The following ADGRV1 variants were observed in gnomAD, a reference collection of about 807,000 sequenced individuals.
ADGRV1 encodes G-protein coupled receptor 98.
A neutral mutation model predicts 596.2 loss-of-function variants in ADGRV1; 359 were observed. The ratio of observed to expected loss-of-function variants is 0.60; its 90% CI spans 0.55 to 0.66. The LOEUF is 0.66. Among genes scored for constraint, ADGRV1 ranks in the 30% least tolerant of loss-of-function variants. ADGRV1 has a pLI of 0.00. For missense variants in ADGRV1, 7,274 were observed against 7,575.6 expected, an observed-to-expected ratio of 0.96 and a Z score of 1.48; for synonymous variants, 2,681 against 2,679.2, an observed-to-expected ratio of 1.00 and a Z score of -0.02.
At chr5:90,652,641 A>G in intron 19 of ADGRV1, 78 bp downstream of exon 19, 2 of 894,778 alleles carry the variant, frequency 2.2e-6, no homozygotes, top group Non-Finnish European at 3.3e-6. Flanking sequence ...TTAGATAATT[A>G]GAGCCATATA....
chr5:90,790,089 C>G (rs1311385096), intron 69 of ADGRV1, among the ~76,000 whole-genome samples: 1 of 152,204 alleles, frequency 6.6e-6, no homozygotes, highest in African/African-American at 2.4e-5. Flanking sequence ...TTTCCTCACA[C>G]TTAATCATAA....
intron 83 of ADGRV1, among the ~76,000 whole-genome samples, chr5:90,930,315 C>T (rs762407751): frequency 7.9e-5 from 12 of 152,090 alleles, no homozygotes; most frequent in Non-Finnish European, 1.5e-4. Flanking sequence ...ATGAGTCCTT[C>T]CGGCAAACTC....
intron 86 of ADGRV1, among the ~76,000 whole-genome samples, chr5:91,094,316 G>A (rs1790659342): frequency 1.3e-5 from 2 of 152,016 alleles, no homozygotes. Flanking sequence ...AAAATTAGCT[G>A]GGCGTGGTGG....
chr5:90,965,588 G>A (rs1778382372), intron 84 of ADGRV1, 57 bp downstream of exon 84: 1 of 997,554 alleles, frequency 1.0e-6, no homozygotes. Flanking sequence ...TCTGGGTGGA[G>A]TGGTCTTAAT....
At chr5:90,713,318 A>C (rs544286651) in intron 42 of ADGRV1, among the ~76,000 whole-genome samples, 8 of 149,182 alleles carry the variant, frequency 5.4e-5, no homozygotes, top group African/African-American at 2.0e-4. Context: ...AAATACATTG[A>C]TATTTCTAAG....
chr5:90,946,352 G>A (rs933053125), intron 83 of ADGRV1, among the ~76,000 whole-genome samples: 3 of 152,158 alleles, frequency 2.0e-5, no homozygotes, highest in Non-Finnish European at 4.4e-5. Flanking sequence ...TCCATTAGTG[G>A]AGATGGACAG....
Position 90,791,155 on chromosome 5 carries a change from G to T in ADGRV1, c.14326G>T (p.Gly4776Trp). 1 of 1,613,866 alleles carries T rather than the reference G, an allele frequency of 6.2e-7. No individual in the cohort carries two copies. Among genetic ancestry groups the T allele is most frequent in the Non-Finnish European group, 8.5e-7 (1 of 1,179,880 alleles). ...TTCGGATCGCCAGTCAATACTTATTGGGCAGAACCTTATTAGATCCATCCA... is the reference window on the plus strand; with the variant it reads ...TTCGGATCGCCAGTCAATACTTATTTGGCAGAACCTTATTAGATCCATCCA... ...LYSDRQSILI[G>W]QNLIRSIQIN... The change falls in exon 70 of 90, where the codon GGG (glycine) becomes TGG (tryptophan). Residue 4776 changes from glycine (G) to tryptophan (W), a missense_variant. Transcript: ENST00000405460.
chr5:90,803,113 G>GT (rs1761555648), intron 71 of ADGRV1, among the ~76,000 whole-genome samples: 1 of 151,808 alleles, frequency 6.6e-6, no homozygotes, highest in Non-Finnish European at 1.5e-5. Flanking sequence ...TTGATATTTT[G>GT]TATCTAATAT....
Position 90,643,911 on chromosome 5 carries a change from G to A in ADGRV1, c.2662G>A (p.Gly888Ser). 1 of 1,612,226 alleles carries A rather than the reference G, an allele frequency of 6.2e-7. No homozygotes were observed. Among genetic ancestry groups the A allele is most frequent in the Non-Finnish European group, 8.5e-7 (1 of 1,178,862 alleles). ...ITILKNDDPH[G>S]IIEFVSDGLI... Reference sequence around the variant, plus strand: ...GATTCTGAAAAATGATGATCCTCATGGCATTATAGAATTTGTTTCTGATGG... The same window carrying A: ...GATTCTGAAAAATGATGATCCTCATAGCATTATAGAATTTGTTTCTGATGG... Residue 888 changes from glycine (G) to serine (S), a missense_variant, in exon 14 of 90, where the codon GGC becomes AGC. Around this residue, in one of 5 missense-constraint regions of ADGRV1, gnomAD observed 1,715 missense variants for 1,708.8 expected, o/e 1.00. Transcript: ENST00000405460.
intron 26 of ADGRV1, among the ~76,000 whole-genome samples, chr5:90,680,290 A>C (rs1035119770): frequency 2.6e-5 from 4 of 151,872 alleles, no homozygotes; most frequent in Admixed American, 1.3e-4. Flanking sequence ...CAGGAGGCGG[A>C]GGTTGAGTGA....
chr5:91,002,068 C>G (rs1023140965), intron 85 of ADGRV1, among the ~76,000 whole-genome samples: 1 of 152,020 alleles, frequency 6.6e-6, no homozygotes, highest in Middle Eastern at 3.2e-3. Context: ...TTTTCTTCAC[C>G]TTCATGAATG....
chr5:91,073,447 A>G (rs1788563835), intron 86 of ADGRV1, among the ~76,000 whole-genome samples: 1 of 152,232 alleles, frequency 6.6e-6, no homozygotes, highest in African/African-American at 2.4e-5. Flanking sequence ...AGTTTAAGCA[A>G]GTAGCATATA....
intron 49 of ADGRV1, 34 bp downstream of exon 49, chr5:90,728,967 A>G: frequency 5.0e-6 from 7 of 1,410,932 alleles, no homozygotes; most frequent in Non-Finnish European, 6.8e-6. Context: ...TGTATATATA[A>G]TTATTGAAAT....
chr5:91,058,992 C>G (rs545822458), intron 85 of ADGRV1, among the ~76,000 whole-genome samples: 1 of 152,344 alleles, frequency 6.6e-6, no homozygotes, highest in East Asian at 1.9e-4. Context: ...TTCTCTGACA[C>G]ATAAATAAAT....
At chr5:91,104,860 CT>C (rs60957930) in intron 87 of ADGRV1, among the ~76,000 whole-genome samples, 15,674 of 125,658 alleles carry the variant, frequency 0.12, 633 homozygotes, top group African/African-American at 0.2. Context: ...CTTTTCTTTT[CT>C]TTTTTTTTTT....
intron 49 of ADGRV1, 108 bp from the exon 50 acceptor site, chr5:90,729,534 C>A: frequency 1.2e-6 from 1 of 861,218 alleles, no homozygotes; most frequent in Non-Finnish European, 1.8e-6. Context: ...TAAATGGATT[C>A]TGAGGAAATT....
intron 78 of ADGRV1, 30 bp from the exon 79 acceptor site, chr5:90,848,607 T>C: frequency 1.6e-6 from 2 of 1,270,454 alleles, no homozygotes; most frequent in Non-Finnish European, 2.1e-6. Context: ...TTTTTATAGA[T>C]ATATTTTTAT....
chr5:91,088,724 A>C (rs1790110236), intron 86 of ADGRV1, among the ~76,000 whole-genome samples: 1 of 152,190 alleles, frequency 6.6e-6, no homozygotes, highest in African/African-American at 2.4e-5. Flanking sequence ...ATAATATCAG[A>C]CACACCTGTG....
At chr5:90,923,680 G>A (rs1774104945) in intron 83 of ADGRV1, among the ~76,000 whole-genome samples, 1 of 152,046 alleles carries the variant, frequency 6.6e-6, no homozygotes. Flanking sequence ...TGCACATCGT[G>A]CAGGTTAGTT....
Sources: gnomAD v4.1 joint callset for allele counts (sites outside exome capture counted in the v4.1 genomes callset) on GRCh38, gnomAD v4.1.1 for gene constraint, gnomAD v4.1.1 regional missense constraint, MANE v1.5 for transcripts, NCBI Gene and HGNC (gene_info 2026-07-23, HGNC 2026-07-21) for gene names.